Variants in CAMK4 observed in about 807,000 individuals in gnomAD.
The protein encoded by CAMK4 is calcium/calmodulin dependent protein kinase IV.
A neutral mutation model predicts 44.9 loss-of-function variants in CAMK4; 22 were observed. The ratio of observed to expected loss-of-function variants is 0.49; its 90% CI spans 0.35 to 0.70. The LOEUF (loss-of-function observed/expected upper bound fraction) is 0.70. CAMK4 is among the 30% of genes least tolerant of loss of function. CAMK4 has a pLI of 0.01. For synonymous variants in CAMK4, 218 were observed against 215.4 expected, an observed-to-expected ratio of 1.01 and a Z score of -0.11; for missense variants, 498 against 586.8, an observed-to-expected ratio of 0.85 and a Z score of 1.56.
chr5:111,267,759 ATAGAAT>A (rs1443812311), intron 1 of CAMK4, among the ~76,000 whole-genome samples: 1 of 151,312 alleles, frequency 6.6e-6, no homozygotes, highest in East Asian at 1.9e-4. Flanking sequence ...ACAGGGGATG[ATAGAAT>A]TAGAATATCC....
intron 1 of CAMK4, among the ~76,000 whole-genome samples, chr5:111,329,633 A>AG (rs1749068268): frequency 6.6e-6 from 1 of 151,840 alleles, no homozygotes; most frequent in African/African-American, 2.4e-5. Flanking sequence ...ATACATCATC[A>AG]GCAAATGGGG....
chr5:111,480,185 C>T (rs968131640), intron 9 of CAMK4, among the ~76,000 whole-genome samples: 1 of 151,036 alleles, frequency 6.6e-6, no homozygotes, highest in Non-Finnish European at 1.5e-5. Flanking sequence ...ATTGCCATGG[C>T]TCTTCTGCTC....
rs1750988878 is a variant in CAMK4, at chr5:111,281,035, G to A, written c.161+56391G>A. ...CATCTGGAGGAGAAAGGAAGGTCAC[G>A]GCAATATTTCTGCTGTGGTGTTGAT... On this transcript the variant is annotated intron_variant, in intron 1 of 10. Coordinates refer to ENST00000282356, the MANE Select transcript of CAMK4 (RefSeq NM_001744.6). Among the ~76,000 whole-genome samples, 4 of 152,258 alleles carry A rather than the reference G, an allele frequency of 2.6e-5. No homozygotes were observed. The East Asian group carries it at 7.7e-4, about 29-fold the overall frequency.
chr5:111,323,559 T>C (rs1748749643), intron 1 of CAMK4, among the ~76,000 whole-genome samples: 1 of 151,556 alleles, frequency 6.6e-6, no homozygotes, highest in South Asian at 2.1e-4. Context: ...TAATGTCCCA[T>C]TTGAAAAAAA....
chr5:111,319,782 T>C (rs1748582381), intron 1 of CAMK4, among the ~76,000 whole-genome samples: 1 of 152,210 alleles, frequency 6.6e-6, no homozygotes, highest in Admixed American at 6.5e-5. Context: ...TAGTACTACA[T>C]TTCTAGGCTT....
chr5:111,357,359 A>G (rs1750406939), intron 2 of CAMK4, among the ~76,000 whole-genome samples: 1 of 152,134 alleles, frequency 6.6e-6, no homozygotes, highest in African/African-American at 2.4e-5. Context: ...ATGGACCACA[A>G]CCAGGAGAGC....
At chr5:111,283,177 T>C (rs995001488) in intron 1 of CAMK4, 9 of 152,220 alleles carry the variant, frequency 5.9e-5, no homozygotes, top group African/African-American at 2.2e-4. Flanking sequence ...TAAAGATCTA[T>C]CATATTTGAC....
chr5:111,374,865 G>GT lies in CAMK4; in HGVS notation c.257dup (p.Arg87LysfsTer3). On this transcript the variant is annotated frameshift_variant, in exon 3 of 11. Transcript: ENST00000282356. LOFTEE classifies it high-confidence loss of function. ...TGCCTTTTAGGTGGACAAAAAAATC[G>GT]TAAGAACTGAGATAGGAGTTCTTCT... 1.2e-6 allele frequency: 2 copies of GT among 1,610,724 alleles called. No homozygotes were observed. The highest frequency in any genetic ancestry group is 1.7e-6 in the Non-Finnish European group (2 of 1,177,384).
intron 5 of CAMK4, among the ~76,000 whole-genome samples, chr5:111,420,960 G>A (rs928559708): frequency 1.1e-4 from 16 of 151,600 alleles, no homozygotes; most frequent in South Asian, 4.1e-4. Context: ...CTCCTCAGCC[G>A]ATGGGATTAA....
intron 4 of CAMK4, 144 bp from the exon 5 acceptor site, chr5:111,394,566 G>A: frequency 1.8e-6 from 1 of 566,228 alleles, no homozygotes; most frequent in Non-Finnish European, 3.1e-6. Flanking sequence ...GTGTCAGTTT[G>A]TGGAAATCTT....
At chr5:111,279,290 CTG>C (rs2112599758) in intron 1 of CAMK4, among the ~76,000 whole-genome samples, 1 of 152,236 alleles carries the variant, frequency 6.6e-6, no homozygotes, top group Non-Finnish European at 1.5e-5. Flanking sequence ...GGCCCTGTGA[CTG>C]TAGTTCAATT....
chr5:111,395,175 A>T (rs1364579345), intron 5 of CAMK4, among the ~76,000 whole-genome samples: 4 of 145,878 alleles, frequency 2.7e-5, no homozygotes, highest in Non-Finnish European at 6.0e-5. Context: ...ACGCCACTGT[A>T]CTCAAGCCTG....
intron 5 of CAMK4, among the ~76,000 whole-genome samples, chr5:111,417,913 G>C (rs541928675): frequency 6.6e-6 from 1 of 152,138 alleles, no homozygotes; most frequent in Non-Finnish European, 1.5e-5. Flanking sequence ...TTTGTCATTG[G>C]AGACTATTGT....
chr5:111,239,307 A>C lies in CAMK4; in HGVS notation c.161+14663A>C, dbSNP rs73786838. Among the ~76,000 whole-genome samples, 1,195 of 152,116 alleles carry C rather than the reference A, an allele frequency of 7.9e-3. 16 individuals are homozygous for C. The highest frequency in any genetic ancestry group is 0.028 in the African/African-American group (1,143 of 41,490). On this transcript the variant is annotated intron_variant, in intron 1 of 10. Coordinates refer to ENST00000282356, the MANE Select transcript of CAMK4 (RefSeq NM_001744.6). Reference sequence around the variant, plus strand: ...TTTTACTTGTGTTTTGCTTGGTTTTATTGGATTTTTTTTAACCTTGTCAGT... The same window carrying C: ...TTTTACTTGTGTTTTGCTTGGTTTTCTTGGATTTTTTTTAACCTTGTCAGT...
At chr5:111,471,222 C>T (rs1350649912) in intron 7 of CAMK4, among the ~76,000 whole-genome samples, 2 of 145,554 alleles carry the variant, frequency 1.4e-5, no homozygotes, top group African/African-American at 2.8e-5. Context: ...GAAAACTTTG[C>T]TCAACTTTTA....
chr5:111,477,265 C>G (rs1054595694), intron 8 of CAMK4, among the ~76,000 whole-genome samples: 1 of 152,214 alleles, frequency 6.6e-6, no homozygotes, highest in Non-Finnish European at 1.5e-5. Context: ...TCCAGAATAT[C>G]TGGAAGAGAC....
At chr5:111,296,363 A>G (rs1747485058) in intron 1 of CAMK4, among the ~76,000 whole-genome samples, 1 of 152,230 alleles carries the variant, frequency 6.6e-6, no homozygotes, top group Non-Finnish European at 1.5e-5. Flanking sequence ...CTTAGTTGGC[A>G]TTTATATTAT....
intron 2 of CAMK4, among the ~76,000 whole-genome samples, chr5:111,362,166 T>G (rs1750618122): frequency 1.3e-5 from 2 of 152,138 alleles, no homozygotes; most frequent in African/African-American, 4.8e-5. Flanking sequence ...ATAACAATTA[T>G]CCCCATTTTA....
chr5:111,256,349 T>C (rs983952613), intron 1 of CAMK4, among the ~76,000 whole-genome samples: 5 of 152,144 alleles, frequency 3.3e-5, no homozygotes, highest in Admixed American at 2.0e-4. Flanking sequence ...GGGGATGTAA[T>C]AGTTTTGTAT....
Sources: gnomAD v4.1 joint callset for allele counts (sites outside exome capture counted in the v4.1 genomes callset) on GRCh38, gnomAD v4.1.1 for gene constraint, MANE v1.5 for transcripts, NCBI Gene and HGNC (gene_info 2026-07-23, HGNC 2026-07-21) for gene names.